The following SYNE2 variants were observed in gnomAD, a reference collection of about 807,000 sequenced individuals.
The protein encoded by SYNE2 is spectrin repeat containing nuclear envelope protein 2, also known as nesprin-2.
Under a neutral mutation model 856.3 loss-of-function variants are expected in SYNE2, and 431 were observed. The observed-to-expected ratio is 0.50, with a 90% CI of 0.47 to 0.55. SYNE2 has a LOEUF of 0.55. Ranked by LOEUF, SYNE2 falls within the 20% of genes least tolerant of loss-of-function variation. The probability of loss-of-function intolerance (pLI) is 0.00; values close to 1 mark genes in which losing one functional copy is unlikely to be tolerated. For missense variants in SYNE2, 8,129 were observed against 8,023.2 expected, an observed-to-expected ratio of 1.01 and a Z score of -0.50; for synonymous variants, 2,923 against 2,872.3, an observed-to-expected ratio of 1.02 and a Z score of -0.56.
intron 61 of SYNE2, among the ~76,000 whole-genome samples, chr14:64,096,612 G>C (rs959182763): frequency 6.6e-6 from 1 of 152,190 alleles, no homozygotes; most frequent in Non-Finnish European, 1.5e-5. Flanking sequence ...AAGTCAAACA[G>C]TTGTTATTTC....
At chr14:64,021,753 C>G in intron 36 of SYNE2, 104 bp from the exon 37 acceptor site, 2 of 1,278,698 alleles carry the variant, frequency 1.6e-6, no homozygotes, top group Non-Finnish European at 1.1e-6. Context: ...ATCCACTCAA[C>G]AGAGAGTCAT....
chr14:63,817,733 CA>C (rs1300901619), intron 1 of SYNE2, among the ~76,000 whole-genome samples: 1 of 152,060 alleles, frequency 6.6e-6, no homozygotes, highest in Non-Finnish European at 1.5e-5. Flanking sequence ...AGACCTAAAA[CA>C]AATGTCAGGC....
chr14:63,986,216 C>T (rs764221966), intron 18 of SYNE2, among the ~76,000 whole-genome samples: 20 of 152,130 alleles, frequency 1.3e-4, no homozygotes, highest in Non-Finnish European at 1.2e-4. Context: ...TCGCTTGCCT[C>T]AGCCTCCTGA....
chr14:64,188,278 G>A (rs763185832), intron 97 of SYNE2, among the ~76,000 whole-genome samples: 7 of 152,194 alleles, frequency 4.6e-5, no homozygotes, highest in Admixed American at 1.3e-4. Flanking sequence ...ACTATAACCA[G>A]ATAGTAACAC....
At chr14:64,118,051 G>A (rs922861105) in intron 66 of SYNE2, among the ~76,000 whole-genome samples, 3 of 152,202 alleles carry the variant, frequency 2.0e-5, no homozygotes, top group Admixed American at 2.0e-4. Context: ...GCCTGTTACA[G>A]CTTGCTTGGA....
intron 2 of SYNE2, among the ~76,000 whole-genome samples, chr14:63,909,803 T>A (rs551411794): frequency 4.7e-4 from 72 of 152,350 alleles, no homozygotes; most frequent in African/African-American, 1.6e-3. Flanking sequence ...ATTGTGCCAT[T>A]GCATTCCAGC....
Position 64,065,524 on chromosome 14 carries a change from T to G in SYNE2, c.10305T>G (p.Asp3435Glu). 1 of 1,614,160 alleles carries G rather than the reference T, an allele frequency of 6.2e-7. No individual in the cohort carries two copies. Among genetic ancestry groups the G allele is most frequent in the Non-Finnish European group, 8.5e-7 (1 of 1,180,028 alleles). ...RLLRLRCTEN[D>E]GICLLKIVSA... Reference sequence around the variant, plus strand: ...TGAGACTCAGGTGCACAGAAAATGATGGCATATGTTTGCTCAAGATTGTGT... The same window carrying G: ...TGAGACTCAGGTGCACAGAAAATGAGGGCATATGTTTGCTCAAGATTGTGT... Residue 3435 changes from aspartate (D) to glutamate (E), a missense_variant, in exon 51 of 116, where the codon GAT (aspartate) becomes GAG (glutamate). By Grantham distance (45) the Asp-to-Glu change is conservative. Around this residue, in one of 3 missense-constraint regions of SYNE2, gnomAD observed 5,410 missense variants for 5,284.8 expected, o/e 1.02. Coordinates refer to ENST00000555002, the MANE Select transcript of SYNE2 (RefSeq NM_182914.3).
Position 64,056,143 on chromosome 14 carries a change from A to T in SYNE2, c.9944A>T (p.Glu3315Val). Residue 3315 changes from glutamate (E) to valine (V), a missense_variant, in exon 49 of 116, where the codon GAG becomes GTG. Physicochemically the swap from Glu to Val is moderately radical, Grantham distance 121. This residue lies in a region of SYNE2 where 5,410 missense variants were observed against 5,284.8 expected (regional missense o/e 1.02). Transcript: ENST00000555002. ...STVAHIQDLT[E>V]KLGMISSPEA... is the part of the protein sequence containing the mutation. The stretch of plus-strand genomic sequence containing the variant: ...GTAGCACACATCCAGGACCTCACTG[A>T]GAAACTGGGAATGATATCCAGCCCC... 1 of 1,614,174 alleles carries T rather than the reference A, an allele frequency of 6.2e-7. No individual in the cohort carries two copies. Among genetic ancestry groups the T allele is most frequent in the South Asian group, 1.1e-5 (1 of 91,082 alleles).
Position 64,016,550 on chromosome 14 carries a change from A to AT in SYNE2, c.4810dup (p.Tyr1604LeufsTer4), listed in dbSNP as rs1567060077. 6.2e-7 allele frequency: 1 copy of AT among 1,604,038 alleles called. No individual in the cohort carries two copies. Among genetic ancestry groups the AT allele is most frequent in the African/African-American group, 1.3e-5 (1 of 74,758 alleles). On this transcript the variant is annotated frameshift_variant, in exon 33 of 116. Coordinates refer to ENST00000555002, the MANE Select transcript of SYNE2 (RefSeq NM_182914.3). LOFTEE classifies it high-confidence loss of function. ...TAAACCAGGTCTGCAAAAATCTACA[A>AT]TTTTATCTAAATAAAATGAAAACTT...
chr14:63,781,868 A>G (rs1446420303), intron 1 of SYNE2, among the ~76,000 whole-genome samples: 4 of 152,022 alleles, frequency 2.6e-5, no homozygotes, highest in African/African-American at 9.7e-5. Context: ...AAAGGTCAGG[A>G]GCAGTGACTC....
chr14:64,062,824 G>C lies in SYNE2; in HGVS notation c.10141G>C (p.Val3381Leu). The C allele has an allele frequency of 6.2e-7, 1 of 1,614,150 alleles. No individual in the cohort carries two copies. The highest frequency in any genetic ancestry group is 8.5e-7 in the Non-Finnish European group (1 of 1,180,010). ...CACTAACCTCAGCAAAATGGAGACA[G>C]TTCTTGGACAGTCCATGTCCTCGTT... ...IYTNLSKMET[V>L]LGQSMSSLPL... is the part of the protein sequence containing the mutation. Residue 3381 changes from valine to leucine, a missense_variant, in exon 50 of 116, where the codon GTT (valine) becomes CTT (leucine). Physicochemically the swap from Val to Leu is conservative, Grantham distance 32. Coordinates refer to ENST00000555002, the MANE Select transcript of SYNE2 (RefSeq NM_182914.3).
chr14:63,850,725 TA>T (rs1399852544), upstream of SYNE2, among the ~76,000 whole-genome samples: 3 of 152,112 alleles, frequency 2.0e-5, no homozygotes, highest in African/African-American at 4.8e-5. Flanking sequence ...TAGAGACACC[TA>T]AAAATATTTT....
At chr14:63,885,795 G>A (rs1233562462) in intron 1 of SYNE2, among the ~76,000 whole-genome samples, 4 of 152,094 alleles carry the variant, frequency 2.6e-5, no homozygotes, top group African/African-American at 2.4e-5. Flanking sequence ...AGCTATATAC[G>A]CATTCAACAA....
At chr14:63,815,949 T>C (rs1888967554) in intron 1 of SYNE2, among the ~76,000 whole-genome samples, 1 of 105,192 alleles carries the variant, frequency 9.5e-6, no homozygotes, top group South Asian at 3.2e-4. Flanking sequence ...TAAATTATTC[T>C]TTTTTTTTTT....
At chr14:63,795,255 C>CATCT (rs1887879105) in intron 1 of SYNE2, among the ~76,000 whole-genome samples, 4 of 152,060 alleles carry the variant, frequency 2.6e-5, no homozygotes, top group African/African-American at 9.6e-5. Context: ...GGGTGGGCAC[C>CATCT]ATCTAATCAG....
rs1189381604 is a variant in SYNE2, at chr14:63,982,672, A to G, written c.1879A>G (p.Thr627Ala). The G allele has an allele frequency of 1.2e-6, 2 of 1,614,166 alleles. No homozygotes were observed. Among genetic ancestry groups the G allele is most frequent in the Admixed American group, 1.7e-5 (1 of 60,024 alleles). Residue 627 changes from threonine (T) to alanine (A), a missense_variant, in exon 17 of 116, where the codon ACT (threonine) becomes GCT (alanine). Around this residue, in one of 3 missense-constraint regions of SYNE2, gnomAD observed 2,422 missense variants for 2,357.4 expected, o/e 1.03. Transcript: ENST00000555002. ...TLAQWNLEHA[T>A]LNEAGNFLVE... ...AGCCCAGTGGAATCTAGAACACGCT[A>G]CTTTAAATGAAGCAGGAAATTTCTT... is the stretch of plus-strand genomic sequence containing the variant.
chr14:63,948,792 A>G (rs76980727), intron 6 of SYNE2, among the ~76,000 whole-genome samples: 9,350 of 95,360 alleles, frequency 0.098, 870 homozygotes, highest in African/African-American at 0.18. Flanking sequence ...GTATATATAT[A>G]TATATATATA....
chr14:63,976,133 A>C (rs2096541054), intron 11 of SYNE2, among the ~76,000 whole-genome samples: 1 of 152,202 alleles, frequency 6.6e-6, no homozygotes, highest in Admixed American at 6.5e-5. Context: ...TGTCATGTGG[A>C]TATACAGTTA....
chr14:64,219,506 G>A (rs2098684622), intron 110 of SYNE2, 96 bp downstream of exon 110: 5 of 1,222,508 alleles, frequency 4.1e-6, no homozygotes, highest in Non-Finnish European at 6.0e-6. Flanking sequence ...CGTGGCATAG[G>A]CGCAGCTTGC....
Sources: allele counts gnomAD v4.1 joint callset (sites outside exome capture counted in the v4.1 genomes callset), GRCh38; gene constraint gnomAD v4.1.1; regional missense constraint gnomAD v4.1.1; transcripts MANE v1.5; gene names NCBI Gene and HGNC (gene_info 2026-07-23, HGNC 2026-07-21).